Variants in KRTAP4-1 observed in about 807,000 individuals in gnomAD.
KRTAP4-1 encodes keratin associated protein 4-1, also known as keratin-associated protein 4-1.
For synonymous variants in KRTAP4-1, 52 were observed against 58.3 expected (o/e 0.89, Z 0.50); for missense variants, 155 against 181.3 (o/e 0.85, Z 0.83).
At position 41,184,893 on chromosome 17, in the gene KRTAP4-1, CAG is replaced by C; in HGVS notation, c.-41_-40del. 6.2e-7 allele frequency: 1 copy of C among 1,610,920 alleles called. No individual in the cohort carries two copies. Among genetic ancestry groups the C allele is most frequent in the Admixed American group, 1.7e-5 (1 of 59,430 alleles). ...GGAGGTTCTAGGTAGGTTTCCAAGA[CAG>C]TGAGTTTTTCGAATGTGGGAATCTC... On this transcript the variant is annotated 5_prime_UTR_variant, in exon 1 of 1. Coordinates refer to ENST00000398472, the MANE Select transcript of KRTAP4-1 (RefSeq NM_001386841.1).
At position 41,184,866 on chromosome 17, in the gene KRTAP4-1, G is replaced by A. The variant is rs2015260101; in HGVS notation, c.-12C>T. 6.2e-6 allele frequency: 10 copies of A among 1,613,538 alleles called. No individual in the cohort carries two copies. Among genetic ancestry groups the A allele is most frequent in the Non-Finnish European group, 8.5e-6 (10 of 1,179,678 alleles). Reference sequence around the variant, plus strand: ...CAAGAGTTAACCATGGTGTCAGAGGGTGGAGGTTCTAGGTAGGTTTCCAAG... The same window carrying A: ...CAAGAGTTAACCATGGTGTCAGAGGATGGAGGTTCTAGGTAGGTTTCCAAG... On this transcript the variant is annotated 5_prime_UTR_variant, in exon 1 of 1. Coordinates refer to ENST00000398472, the MANE Select transcript of KRTAP4-1 (RefSeq NM_001386841.1).
At position 41,184,635 on chromosome 17, in the gene KRTAP4-1, A is replaced by G. The variant is rs1177972923; in HGVS notation, c.220T>C (p.Cys74Arg). ...CTGGACACACCACAGCTGGGGCGGC[A>G]GGTGGTCTGACAACAGACTGGGTGG... ...CCHPVCCQTT[C>R]RPSCGVSSCC... The change falls in exon 1 of 1, where the codon TGC becomes CGC. Residue 74 changes from cysteine (C) to arginine (R), a missense_variant. Coordinates refer to ENST00000398472, the MANE Select transcript of KRTAP4-1 (RefSeq NM_001386841.1). 1 of 1,598,842 alleles carries G rather than the reference A, an allele frequency of 6.3e-7. No individual in the cohort carries two copies. The highest frequency in any genetic ancestry group is 8.5e-7 in the Non-Finnish European group (1 of 1,172,460).
rs1344922123 is a variant in KRTAP4-1, at chr17:41,184,203, T to C, written c.*211A>G. ...AACTTAGAGGCTTAGTCTAACTGCATCATGCATCTGAGGTCTGAATGCTGC... is the reference window on the plus strand; with the variant it reads ...AACTTAGAGGCTTAGTCTAACTGCACCATGCATCTGAGGTCTGAATGCTGC... On this transcript the variant is annotated 3_prime_UTR_variant, in exon 1 of 1. Coordinates refer to ENST00000398472, the MANE Select transcript of KRTAP4-1 (RefSeq NM_001386841.1). 1 of 738,938 alleles carries C rather than the reference T, an allele frequency of 1.4e-6. No individual in the cohort carries two copies. The highest frequency in any genetic ancestry group is 2.3e-5 in the African/African-American group (1 of 42,834). The allele number at this position is 738,938 out of a possible 1,614,324, so 45.8% of individuals were successfully genotyped here.
At chr17:41,184,794 G>A in the KRTAP4-1 span, 1 of 1,614,258 alleles carries the variant, frequency 6.2e-7, no homozygotes, top group South Asian at 1.1e-5. Flanking sequence ...CAGGTCTCTT[G>A]GCAGAGGCCT....
Position 41,184,772 on chromosome 17 carries a change from C to T in KRTAP4-1, c.83G>A (p.Ser28Asn). 2 of 1,613,708 alleles carry T rather than the reference C, an allele frequency of 1.2e-6. No homozygotes were observed. Among genetic ancestry groups the T allele is most frequent in the Middle Eastern group, 3.3e-4 (2 of 6,060 alleles). Reference protein sequence around the residue: ...GLCQETCCRPSCCQTTCCCPS... With the variant: ...GLCQETCCRPNCCQTTCCCPS... ...GCAGCAACAGGTGGTCTGGCAGCAGCTGGGGCGGCAGCAGGTCTCTTGGCA... is the reference window on the plus strand; with the variant it reads ...GCAGCAACAGGTGGTCTGGCAGCAGTTGGGGCGGCAGCAGGTCTCTTGGCA... The change falls in exon 1 of 1, where the codon AGC becomes AAC. Residue 28 changes from serine (S) to asparagine (N), a missense_variant. By Grantham distance (46) the Ser-to-Asn change is conservative. Transcript: ENST00000398472.
In KRTAP4-1 at chr17:41,184,533, A is replaced by C. The variant is rs1279150918; in HGVS notation, c.322T>G (p.Cys108Gly). Reference protein sequence around the residue: ...GMSSCCRPLCCQTTCRPSCGV... With the variant: ...GMSSCCRPLCGQTTCRPSCGV... ...CAGCTGGGGCGGCAGGTGGTCTGACAACAGAGTGGACGGCAGCAGCTGGAC... is the reference window on the plus strand; with the variant it reads ...CAGCTGGGGCGGCAGGTGGTCTGACCACAGAGTGGACGGCAGCAGCTGGAC... Residue 108 changes from cysteine to glycine, a missense_variant, in exon 1 of 1, where the codon TGT (cysteine) becomes GGT (glycine). Transcript: ENST00000398472. 25 of 1,497,156 alleles carry C rather than the reference A, an allele frequency of 1.7e-5. No individual in the cohort carries two copies. The highest frequency in any genetic ancestry group is 2.3e-5 in the Non-Finnish European group (25 of 1,111,024). The allele number at this position is 1,497,156 out of a possible 1,614,324, so 92.7% of individuals were successfully genotyped here. A position where few individuals can be genotyped will look rare whatever the true frequency, so the allele number is the denominator to read the frequency against.
At position 41,184,628 on chromosome 17, in the gene KRTAP4-1, G is replaced by A; in HGVS notation, c.227C>T (p.Pro76Leu). 1 of 1,595,716 alleles carries A rather than the reference G, an allele frequency of 6.3e-7. No individual in the cohort carries two copies. Among genetic ancestry groups the A allele is most frequent in the Non-Finnish European group, 8.5e-7 (1 of 1,171,456 alleles). The change falls in exon 1 of 1, where the codon CCC (proline) becomes CTC (leucine). Residue 76 changes from proline (P) to leucine (L), a missense_variant. Transcript: ENST00000398472. ...HPVCCQTTCRPSCGVSSCCRP... is the reference protein window; with the variant it reads ...HPVCCQTTCRLSCGVSSCCRP... The stretch of plus-strand genomic sequence containing the variant: ...GCAGCAGCTGGACACACCACAGCTG[G>A]GGCGGCAGGTGGTCTGACAACAGAC...
Position 41,184,741 on chromosome 17 carries a change from G to T in KRTAP4-1, c.114C>A (p.Ser38Arg). 6.2e-7 allele frequency: 1 copy of T among 1,613,812 alleles called. No homozygotes were observed. The highest frequency in any genetic ancestry group is 8.5e-7 in the Non-Finnish European group (1 of 1,179,950). ...SCCQTTCCCP[S>R]CVVSSCCRPS... ...GGCGGCAGCAGCTGGATACAACACAGCTGGGGCAGCAACAGGTGGTCTGGC... is the reference window on the plus strand; with the variant it reads ...GGCGGCAGCAGCTGGATACAACACATCTGGGGCAGCAACAGGTGGTCTGGC... Residue 38 changes from serine to arginine, a missense_variant, in exon 1 of 1, where the codon AGC becomes AGA. Transcript: ENST00000398472.
In KRTAP4-1 at chr17:41,184,689, G is replaced by C; in HGVS notation, c.166C>G (p.Gln56Glu). The change falls in exon 1 of 1, where the codon CAG becomes GAG. Residue 56 changes from glutamine to glutamate, a missense_variant. Transcript: ENST00000398472. ...CAGCTGGGGCGACAGCAAGTGGTCT[G>C]GCAGCAGGTAGTCTGAGAGCAGGAT... ...RPSCSQTTCC[Q>E]TTCCRPSCCH... The C allele has an allele frequency of 6.2e-7, 1 of 1,612,204 alleles. No individual in the cohort carries two copies. Among genetic ancestry groups the C allele is most frequent in the Non-Finnish European group, 8.5e-7 (1 of 1,178,608 alleles).
rs769623164 is a variant in KRTAP4-1, at chr17:41,184,517, C to T, written c.338G>A (p.Arg113His). 12 of 1,604,952 alleles carry T rather than the reference C, an allele frequency of 7.5e-6. No homozygotes were observed. The highest frequency in any genetic ancestry group is 3.4e-5 in the Admixed American group (2 of 59,428). The part of the protein sequence containing the change: ...CRPLCCQTTC[R>H]PSCGVSSCCR... Reference sequence around the variant, plus strand: ...GCAGCTGGACACACCACAGCTGGGGCGGCAGGTGGTCTGACAACAGAGTGG... The same window carrying T: ...GCAGCTGGACACACCACAGCTGGGGTGGCAGGTGGTCTGACAACAGAGTGG... Residue 113 changes from arginine (R) to histidine (H), a missense_variant, in exon 1 of 1, where the codon CGC becomes CAC. Coordinates refer to ENST00000398472, the MANE Select transcript of KRTAP4-1 (RefSeq NM_001386841.1).
chr17:41,184,634 C>T lies in KRTAP4-1; in HGVS notation c.221G>A (p.Cys74Tyr), dbSNP rs200870663. The change falls in exon 1 of 1, where the codon TGC (cysteine) becomes TAC (tyrosine). Residue 74 changes from cysteine (C) to tyrosine (Y), a missense_variant. By Grantham distance (194) the Cys-to-Tyr change is radical. Transcript: ENST00000398472. ...CCHPVCCQTT[C>Y]RPSCGVSSCC... ...GCTGGACACACCACAGCTGGGGCGGCAGGTGGTCTGACAACAGACTGGGTG... is the reference window on the plus strand; with the variant it reads ...GCTGGACACACCACAGCTGGGGCGGTAGGTGGTCTGACAACAGACTGGGTG... 1.8e-5 allele frequency: 29 copies of T among 1,598,488 alleles called. 1 individual carries two copies. Among genetic ancestry groups the T allele is most frequent in the East Asian group, 6.8e-5 (3 of 44,050 alleles).
Position 41,184,400 on chromosome 17 carries a change from G to T in KRTAP4-1, c.*14C>A, listed in dbSNP as rs533770782. 1.3e-6 allele frequency: 2 copies of T among 1,576,420 alleles called. No individual in the cohort carries two copies. The highest frequency in any genetic ancestry group is 4.5e-5 in the East Asian group (2 of 44,424). ...GATGGTGACTGGCTCATGGTTGATA[G>T]TCCAATATGAGGTTCAACAAGAGGA... On this transcript the variant is annotated 3_prime_UTR_variant, in exon 1 of 1. Transcript: ENST00000398472.
chr17:41,184,126 G>T lies in KRTAP4-1; in HGVS notation c.*288C>A. On this transcript the variant is annotated 3_prime_UTR_variant, in exon 1 of 1. Coordinates refer to ENST00000398472, the MANE Select transcript of KRTAP4-1 (RefSeq NM_001386841.1). ...TACTGATATTAAGATAATATTTATTGAAGAACAGTTAATATGTAATTTTGA... is the reference window on the plus strand; with the variant it reads ...TACTGATATTAAGATAATATTTATTTAAGAACAGTTAATATGTAATTTTGA... The T allele has an allele frequency of 2.6e-6, 1 of 389,906 alleles. No individual in the cohort carries two copies. 24.2% of individuals were successfully genotyped at this position (389,906 alleles called of 1,614,324 possible). A position where few individuals can be genotyped will look rare whatever the true frequency, so the allele number is the denominator to read the frequency against.
In KRTAP4-1 at chr17:41,184,699, A is replaced by T; in HGVS notation, c.156T>A (p.Thr52=). Reference sequence around the variant, plus strand: ...GACAGCAAGTGGTCTGGCAGCAGGTAGTCTGAGAGCAGGATGGGCGGCAGC... The same window carrying T: ...GACAGCAAGTGGTCTGGCAGCAGGTTGTCTGAGAGCAGGATGGGCGGCAGC... ...SSCCRPSCSQ[T]TCCQTTCCRP... Residue 52 remains threonine (T), a synonymous_variant, in exon 1 of 1, where the codon ACT becomes ACA. Coordinates refer to ENST00000398472, the MANE Select transcript of KRTAP4-1 (RefSeq NM_001386841.1). 2 of 1,612,530 alleles carry T rather than the reference A, an allele frequency of 1.2e-6. No homozygotes were observed. Among genetic ancestry groups the T allele is most frequent in the Non-Finnish European group, 1.7e-6 (2 of 1,179,612 alleles).
In KRTAP4-1 at chr17:41,184,696, G is replaced by C; in HGVS notation, c.159C>G (p.Thr53=). 1 of 1,613,978 alleles carries C rather than the reference G, an allele frequency of 6.2e-7. No homozygotes were observed. The highest frequency in any genetic ancestry group is 8.5e-7 in the Non-Finnish European group (1 of 1,179,960). ...SCCRPSCSQT[T]CCQTTCCRPS... is the part of the protein sequence containing the mutation. Reference sequence around the variant, plus strand: ...GGCGACAGCAAGTGGTCTGGCAGCAGGTAGTCTGAGAGCAGGATGGGCGGC... The same window carrying C: ...GGCGACAGCAAGTGGTCTGGCAGCACGTAGTCTGAGAGCAGGATGGGCGGC... Residue 53 remains threonine, a synonymous_variant, in exon 1 of 1, where the codon ACC becomes ACG. Transcript: ENST00000398472.
chr17:41,184,717 G>A lies in KRTAP4-1; in HGVS notation c.138C>T (p.Arg46=). The change falls in exon 1 of 1, where the codon CGC becomes CGT. Residue 46 remains arginine, a synonymous_variant. Transcript: ENST00000398472. ...AGCAGGTAGTCTGAGAGCAGGATGG[G>A]CGGCAGCAGCTGGATACAACACAGC... The part of the protein sequence containing the change: ...CPSCVVSSCC[R]PSCSQTTCCQ... 1.2e-6 allele frequency: 2 copies of A among 1,613,784 alleles called. No homozygotes were observed. Among genetic ancestry groups the A allele is most frequent in the Non-Finnish European group, 1.7e-6 (2 of 1,179,950 alleles).
chr17:41,184,844 G>C lies in KRTAP4-1; in HGVS notation c.11C>G (p.Ser4Cys), dbSNP rs1262766197. 1 of 1,613,876 alleles carries C rather than the reference G, an allele frequency of 6.2e-7. No homozygotes were observed. Among genetic ancestry groups the C allele is most frequent in the South Asian group, 1.1e-5 (1 of 91,080 alleles). MVN[S>C]CCGSVCSDQG... is the part of the protein sequence containing the mutation. ...GTCAGAGCAGACAGAGCCACAACAA[G>C]AGTTAACCATGGTGTCAGAGGGTGG... The change falls in exon 1 of 1, where the codon TCT becomes TGT. Residue 4 changes from serine (S) to cysteine (C), a missense_variant. By Grantham distance (112) the Ser-to-Cys change is moderately radical (BLOSUM62 -1). Transcript: ENST00000398472.
At position 41,184,787 on chromosome 17, in the gene KRTAP4-1, G is replaced by T; in HGVS notation, c.68C>A (p.Thr23Asn). Residue 23 changes from threonine (T) to asparagine (N), a missense_variant, in exon 1 of 1, where the codon ACC (threonine) becomes AAC (asparagine). Coordinates refer to ENST00000398472, the MANE Select transcript of KRTAP4-1 (RefSeq NM_001386841.1). ...CTGGCAGCAGCTGGGGCGGCAGCAG[G>T]TCTCTTGGCAGAGGCCTTGATCACA... ...QGCDQGLCQE[T>N]CCRPSCCQTT... 6.2e-7 allele frequency: 1 copy of T among 1,614,244 alleles called. No homozygotes were observed. The highest frequency in any genetic ancestry group is 8.5e-7 in the Non-Finnish European group (1 of 1,180,050).
the KRTAP4-1 span, chr17:41,184,690 G>T: frequency 1.2e-6 from 2 of 1,612,200 alleles, no homozygotes; most frequent in Admixed American, 1.7e-5. Flanking sequence ...AAGTGGTCTG[G>T]CAGCAGGTAG....
Sources: allele counts gnomAD v4.1 joint callset, GRCh38; gene constraint gnomAD v4.1.1; transcripts MANE v1.5; gene names NCBI Gene and HGNC (gene_info 2026-07-23, HGNC 2026-07-21).